PARN: variants seen among roughly 807,000 people sequenced by gnomAD.
The protein encoded by PARN is poly(A)-specific ribonuclease.
PARN carries 71 observed loss-of-function variants against 102.8 expected under a neutral mutation model. The observed-to-expected ratio is 0.69, with a 90% CI of 0.57 to 0.84. The LOEUF (loss-of-function observed/expected upper bound fraction) is 0.84, where lower values mean the gene tolerates loss of function less well. PARN is among the 40% of genes least tolerant of loss of function. PARN has a pLI of 0.00. For missense variants in PARN, 782 were observed against 760.9 expected, an observed-to-expected ratio of 1.03 and a Z score of -0.33; for synonymous variants, 261 against 252.9, an observed-to-expected ratio of 1.03 and a Z score of -0.30.
At chr16:14,596,798 T>C (rs1970545751) in intron 12 of PARN, among the ~76,000 whole-genome samples, 1 of 151,316 alleles carries the variant, frequency 6.6e-6, no homozygotes, top group African/African-American at 2.4e-5. Context: ...CTTTTTTTTT[T>C]TTTTTCGAGA....
intron 22 of PARN, among the ~76,000 whole-genome samples, chr16:14,449,556 C>G (rs548697471): frequency 6.6e-6 from 1 of 152,172 alleles, no homozygotes. Context: ...ATAACGTGAG[C>G]CAAGACAAAT....
At chr16:14,445,282 G>A (rs1961147071) in intron 23 of PARN, among the ~76,000 whole-genome samples, 1 of 152,090 alleles carries the variant, frequency 6.6e-6, no homozygotes, top group Admixed American at 6.6e-5. Context: ...AAGCATATGT[G>A]ACATTTTTGC....
At chr16:14,590,399 C>G (rs1429963160) in intron 13 of PARN, among the ~76,000 whole-genome samples, 1 of 151,558 alleles carries the variant, frequency 6.6e-6, no homozygotes, top group Non-Finnish European at 1.5e-5. Flanking sequence ...CTTTGGGAGG[C>G]GGAGGCGGGT....
chr16:14,584,143 A>C (rs559153333), intron 16 of PARN, among the ~76,000 whole-genome samples: 1 of 152,256 alleles, frequency 6.6e-6, no homozygotes, highest in African/African-American at 2.4e-5. Context: ...TGGCTACCCA[A>C]CTCCATTAAC....
chr16:14,525,926 C>T (rs1965974064), intron 21 of PARN, among the ~76,000 whole-genome samples: 1 of 152,124 alleles, frequency 6.6e-6, no homozygotes, highest in African/African-American at 2.4e-5. Context: ...TCAAGCAATC[C>T]TCCAACCTCA....
chr16:14,577,011 G>T (rs558354235), intron 18 of PARN, among the ~76,000 whole-genome samples: 1 of 152,340 alleles, frequency 6.6e-6, no homozygotes, highest in Admixed American at 6.5e-5. Context: ...TGCTAATTTA[G>T]AATAATGCAG....
chr16:14,607,366 T>A (rs1433467552), intron 9 of PARN, among the ~76,000 whole-genome samples: 1 of 151,964 alleles, frequency 6.6e-6, no homozygotes, highest in East Asian at 1.9e-4. Context: ...TGCCACCATG[T>A]CCGGCTAAAT....
intron 18 of PARN, among the ~76,000 whole-genome samples, chr16:14,576,865 T>C (rs1439335040): frequency 6.6e-6 from 1 of 152,224 alleles, no homozygotes; most frequent in East Asian, 1.9e-4. Flanking sequence ...GACATTCTTC[T>C]AGACCAGTAT....
At chr16:14,450,049 A>G (rs1487590286) in intron 22 of PARN, among the ~76,000 whole-genome samples, 1 of 152,256 alleles carries the variant, frequency 6.6e-6, no homozygotes, top group Non-Finnish European at 1.5e-5. Context: ...AAAATACTGC[A>G]AAGTACCTAA....
intron 21 of PARN, among the ~76,000 whole-genome samples, chr16:14,487,572 T>TC (rs1377988265): frequency 6.6e-6 from 1 of 152,232 alleles, no homozygotes; most frequent in Non-Finnish European, 1.5e-5. Context: ...AACATTTTAT[T>TC]TTATTTTTTA....
At chr16:14,534,078 G>T (rs1966499975) in intron 21 of PARN, among the ~76,000 whole-genome samples, 2 of 152,010 alleles carry the variant, frequency 1.3e-5, no homozygotes, top group Admixed American at 1.3e-4. Context: ...AAAAAATTAG[G>T]CATGGTGGCA....
chr16:14,483,868 G>A (rs1963514860), intron 21 of PARN, among the ~76,000 whole-genome samples: 1 of 151,936 alleles, frequency 6.6e-6, no homozygotes, highest in Admixed American at 6.6e-5. Flanking sequence ...CAATAGTTTT[G>A]GGGGAACAGG....
intron 20 of PARN, among the ~76,000 whole-genome samples, chr16:14,553,076 C>T (rs1470298447): frequency 6.6e-6 from 1 of 151,496 alleles, no homozygotes; most frequent in African/African-American, 2.4e-5. Flanking sequence ...GCAGGAGGCA[C>T]TGCTGTGAAA....
At chr16:14,502,331 T>C (rs1964666933) in intron 21 of PARN, among the ~76,000 whole-genome samples, 1 of 152,192 alleles carries the variant, frequency 6.6e-6, no homozygotes, top group Non-Finnish European at 1.5e-5. Flanking sequence ...TGGTTTTTCC[T>C]CCAGGGTCAG....
At chr16:14,478,874 C>T (rs183299935) in intron 22 of PARN, among the ~76,000 whole-genome samples, 131 of 152,250 alleles carry the variant, frequency 8.6e-4, no homozygotes, top group Admixed American at 2.9e-3. Flanking sequence ...CTCCGCCTCC[C>T]GGGTTCAAGT....
chr16:14,617,193 G>C (rs1971966070), intron 6 of PARN, among the ~76,000 whole-genome samples: 1 of 151,144 alleles, frequency 6.6e-6, no homozygotes, highest in South Asian at 2.1e-4. Flanking sequence ...GACCATCCTG[G>C]CTAACACGGT....
At chr16:14,624,286 T>C (rs577180181) in intron 5 of PARN, among the ~76,000 whole-genome samples, 4 of 152,316 alleles carry the variant, frequency 2.6e-5, no homozygotes, top group African/African-American at 4.8e-5. Flanking sequence ...GCTACAACTA[T>C]AGAATTTTAA....
At chr16:14,507,492 T>C (rs1050783259) in intron 21 of PARN, among the ~76,000 whole-genome samples, 2 of 151,162 alleles carry the variant, frequency 1.3e-5, no homozygotes, top group Non-Finnish European at 2.9e-5. Flanking sequence ...GGCCCAGGAG[T>C]ATGAGACCGA....
chr16:14,456,903 G>A (rs924161676), intron 22 of PARN, among the ~76,000 whole-genome samples: 15 of 151,934 alleles, frequency 9.9e-5, no homozygotes, highest in African/African-American at 1.2e-4. Context: ...CCTCCTACTC[G>A]CCTCTGCCTT....
Sources: allele counts gnomAD v4.1 joint callset (sites outside exome capture counted in the v4.1 genomes callset), GRCh38; gene constraint gnomAD v4.1.1; transcripts MANE v1.5; gene names NCBI Gene and HGNC (gene_info 2026-07-23, HGNC 2026-07-21).